The following PBX4 variants were observed in gnomAD, a reference collection of about 807,000 sequenced individuals.
PBX4 encodes pre-B-cell leukemia transcription factor 4.
A neutral mutation model predicts 35.1 loss-of-function variants in PBX4; 26 were observed. The observed-to-expected ratio is 0.74, with a 90% CI of 0.54 to 1.03. PBX4 has a LOEUF of 1.03. Ranked by LOEUF, PBX4 falls within the 50% of genes least tolerant of loss-of-function variation. The pLI is 0.00. For missense variants in PBX4, 448 were observed against 504.3 expected (o/e 0.89, Z 1.07); for synonymous variants, 199 against 204.2 (o/e 0.97, Z 0.22).
intron 3 of PBX4, 46 bp from the exon 4 acceptor site, chr19:19,570,345 G>A (rs367833595): frequency 1.1e-4 from 170 of 1,557,430 alleles, no homozygotes; most frequent in Middle Eastern, 5.4e-4. Context: ...AGGCAGCAGG[G>A]TGGCACAGGG....
chr19:19,601,753 T>C (rs1161393179), intron 1 of PBX4, among the ~76,000 whole-genome samples: 2 of 152,132 alleles, frequency 1.3e-5, no homozygotes, highest in Non-Finnish European at 1.5e-5. Flanking sequence ...GGAATGCAGG[T>C]GGCCTCAACA....
rs148814820 is a variant in PBX4 at position 19,565,058 on chromosome 19, C to A, written c.800G>T (p.Arg267Leu). Residue 267 changes from arginine to leucine, a missense_variant, in exon 6 of 8, where the codon CGG becomes CTG. Arg to Leu is a moderately radical substitution (Grantham distance 102). Coordinates refer to ENST00000251203, the MANE Select transcript of PBX4 (RefSeq NM_025245.3). ...AAACTTCCCCATGTTCTTTTTATAC[C>A]GGATTCTTTTGTTGCCAAACCAGTT... ...VSNWFGNKRI[R>L]YKKNMGKFQE... 6.2e-7 allele frequency: 1 copy of A among 1,614,180 alleles called. No individual in the cohort carries two copies. Among genetic ancestry groups the A allele is most frequent in the Non-Finnish European group, 8.5e-7 (1 of 1,180,048 alleles).
In PBX4 at chr19:19,572,362, C is replaced by T. The variant is rs867337746; in HGVS notation, c.194-1529G>A. Among the ~76,000 whole-genome samples the T allele has an allele frequency of 4.6e-5, 7 of 151,774 alleles. No homozygotes were observed. In the East Asian group the frequency reaches 6.0e-4, roughly 13 times the overall value. The stretch of plus-strand genomic sequence containing the variant: ...TGCTGGGATTACAGGCATGACCCAC[C>T]GTACCGGGCCAGAATCAGGCTATCT... On this transcript the variant is annotated intron_variant, in intron 2 of 7. Coordinates refer to ENST00000251203, the MANE Select transcript of PBX4 (RefSeq NM_025245.3).
rs558338270 is a variant in PBX4, at chr19:19,590,768, C to T, written c.193+8524G>A. Among the ~76,000 whole-genome samples the T allele has an allele frequency of 2.6e-5, 4 of 152,290 alleles. No homozygotes were observed. In the South Asian group the frequency reaches 8.3e-4, roughly 32 times the overall value. ...ACAGGTGTGAGCCATGGCGCCTGGA[C>T]ACACATTTTGTTTTTCTAGTTATCA... is the stretch of plus-strand genomic sequence containing the variant. On this transcript the variant is annotated intron_variant, in intron 2 of 7. Transcript: ENST00000251203.
chr19:19,591,320 C>T (rs1485835487), intron 2 of PBX4, among the ~76,000 whole-genome samples: 1 of 152,158 alleles, frequency 6.6e-6, no homozygotes, highest in East Asian at 1.9e-4. Flanking sequence ...ATTTACAGAA[C>T]CCGATTCTGT....
intron 2 of PBX4, among the ~76,000 whole-genome samples, chr19:19,592,138 C>T (rs890886760): frequency 2.6e-5 from 4 of 152,162 alleles, no homozygotes; most frequent in Admixed American, 1.3e-4. Flanking sequence ...CTGCCTCAGC[C>T]TCCCAAAGTG....
At chr19:19,578,640 A>G (rs1804194830) in intron 2 of PBX4, among the ~76,000 whole-genome samples, 1 of 152,214 alleles carries the variant, frequency 6.6e-6, no homozygotes, top group South Asian at 2.1e-4. Context: ...TTCTGTTCCC[A>G]ACTTACTGTG....
At chr19:19,597,273 T>A (rs1568393554) in intron 2 of PBX4, among the ~76,000 whole-genome samples, 1 of 152,324 alleles carries the variant, frequency 6.6e-6, no homozygotes, top group East Asian at 1.9e-4. Context: ...CATGTCCTCA[T>A]AGCATTTAGG....
intron 2 of PBX4, among the ~76,000 whole-genome samples, chr19:19,585,369 TG>T (rs1282475457): frequency 6.6e-6 from 1 of 151,822 alleles, no homozygotes; most frequent in Non-Finnish European, 1.5e-5. Flanking sequence ...TCTTAAGTCA[TG>T]GAAGTTTCTC....
At chr19:19,586,925 C>T (rs896726172) in intron 2 of PBX4, among the ~76,000 whole-genome samples, 5 of 151,294 alleles carry the variant, frequency 3.3e-5, no homozygotes, top group Non-Finnish European at 5.9e-5. Context: ...AGTGAGATTC[C>T]GTCTCAAAAA....
At position 19,599,294 on chromosome 19, in the gene PBX4, G is replaced by A; in HGVS notation, c.191C>T (p.Thr64Ile). The A allele has an allele frequency of 6.2e-7, 1 of 1,611,962 alleles. No homozygotes were observed. Among genetic ancestry groups the A allele is most frequent in the Non-Finnish European group, 8.5e-7 (1 of 1,178,512 alleles). The change falls in exon 2 of 8, where the codon ACA becomes ATA. Residue 64 changes from threonine (T) to isoleucine (I), a missense_variant and splice_region_variant. Transcript: ENST00000251203. ...AAAGTGTCTTCTAAACAGCCTACCT[G>A]TCTTTTCCTTGATCTCACAGAGCAC... ...FSVLCEIKEK[T>I]VVSIRGIQDE...
At chr19:19,584,259 G>A (rs777301002) in intron 2 of PBX4, among the ~76,000 whole-genome samples, 2 of 152,080 alleles carry the variant, frequency 1.3e-5, no homozygotes, top group Admixed American at 6.6e-5. Flanking sequence ...AAACCCACAG[G>A]CAAATCAAAG....
intron 2 of PBX4, among the ~76,000 whole-genome samples, chr19:19,593,358 C>A (rs1049794992): frequency 1.3e-5 from 2 of 152,226 alleles, no homozygotes; most frequent in African/African-American, 4.8e-5. Context: ...CTTCAAGAGG[C>A]GGCCCGTGGG....
chr19:19,592,748 G>A (rs1044103970), intron 2 of PBX4, among the ~76,000 whole-genome samples: 7 of 152,308 alleles, frequency 4.6e-5, no homozygotes, highest in African/African-American at 1.4e-4. Context: ...GAAAGGCACC[G>A]GGACAGACCC....
Position 19,569,581 on chromosome 19 carries a change from G to A in PBX4, c.636C>T (p.Arg212=), listed in dbSNP as rs754899562. ...TLRSRLLDAR[R]KRRNFSKQAT... is the part of the protein sequence containing the mutation. The stretch of plus-strand genomic sequence containing the variant: ...CCTGCTTGCTGAAATTCCGCCGCTT[G>A]CGCCTGCAAAAACAGCCGCCTTCGT... Residue 212 remains arginine, a synonymous_variant, in exon 5 of 8, where the codon CGC becomes CGT. Coordinates refer to ENST00000251203, the MANE Select transcript of PBX4 (RefSeq NM_025245.3). 4.0e-5 allele frequency: 64 copies of A among 1,613,006 alleles called. 1 individual carries two copies. Among genetic ancestry groups the A allele is most frequent in the Non-Finnish European group, 5.2e-5 (61 of 1,179,618 alleles).
chr19:19,572,812 C>T (rs1192213435), intron 2 of PBX4, among the ~76,000 whole-genome samples: 2 of 147,806 alleles, frequency 1.4e-5, no homozygotes, highest in Non-Finnish European at 3.0e-5. Flanking sequence ...CGAGATCACG[C>T]CATTGCACTC....
intron 1 of PBX4, among the ~76,000 whole-genome samples, chr19:19,609,737 G>A (rs2061652715): frequency 6.6e-6 from 1 of 151,972 alleles, no homozygotes; most frequent in Admixed American, 6.6e-5. Context: ...TGTATTCCCA[G>A]CTACTCGGGA....
intron 2 of PBX4, among the ~76,000 whole-genome samples, chr19:19,595,997 C>A (rs1416278960): frequency 6.6e-6 from 1 of 152,036 alleles, no homozygotes; most frequent in Non-Finnish European, 1.5e-5. Context: ...CTTTGGGAGG[C>A]CAAGGTGGGA....
chr19:19,604,888 C>T (rs2061620648), intron 1 of PBX4, among the ~76,000 whole-genome samples: 1 of 152,024 alleles, frequency 6.6e-6, no homozygotes. Flanking sequence ...GTGTGAGCCA[C>T]CATGCCCGGC....
Sources: gnomAD v4.1 joint callset for allele counts (sites outside exome capture counted in the v4.1 genomes callset) on GRCh38, gnomAD v4.1.1 for gene constraint, MANE v1.5 for transcripts, NCBI Gene and HGNC (gene_info 2026-07-23, HGNC 2026-07-21) for gene names.